The following LAMTOR5 variants were observed in gnomAD, a reference collection of about 807,000 sequenced individuals.
LAMTOR5 encodes late endosomal/lysosomal adaptor, MAPK and MTOR activator 5.
In LAMTOR5, 8 loss-of-function variants were observed where a neutral mutation model predicts 12.1. The observed-to-expected ratio is 0.66, with a 90% CI of 0.39 to 1.19. The LOEUF is 1.19. Ranked by LOEUF, LAMTOR5 falls within the 50% of genes most tolerant of loss-of-function variation. The probability of loss-of-function intolerance (pLI) is 0.01; values close to 1 mark genes in which losing one functional copy is unlikely to be tolerated. For missense variants in LAMTOR5, 110 were observed against 112.8 expected (o/e 0.97, Z 0.11); for synonymous variants, 37 against 41.9 (o/e 0.88, Z 0.45).
intron 1 of LAMTOR5, 134 bp downstream of exon 1, chr1:110,407,452 C>T: frequency 1.7e-6 from 2 of 1,156,600 alleles, no homozygotes; most frequent in Non-Finnish European, 2.4e-6. Flanking sequence ...AGTTTAGCCC[C>T]CTCATCCCGT....
At chr1:110,406,642 T>G (rs1663336257) in intron 1 of LAMTOR5, 1 of 299,162 alleles carries the variant, frequency 3.3e-6, no homozygotes, top group Non-Finnish European at 6.3e-6. Context: ...CTGACCAACA[T>G]GGAGAAACCC....
chr1:110,407,466 C>G (rs949291934), intron 1 of LAMTOR5, 120 bp downstream of exon 1: 10 of 1,282,980 alleles, frequency 7.8e-6, no homozygotes, highest in Admixed American at 2.4e-5. Context: ...ATCCCGTGTC[C>G]CGGGGGTCGC....
rs1264290701 is a variant in LAMTOR5 at position 110,404,116 on chromosome 1, A to G, written c.98-80T>C. Reference sequence around the variant, plus strand: ...AAATAAGCTAGCTGGCTGTTTTAAAATGTCTACAGAATTGTCTTTTTATTA... The same window carrying G: ...AAATAAGCTAGCTGGCTGTTTTAAAGTGTCTACAGAATTGTCTTTTTATTA... On this transcript the variant is annotated intron_variant, in intron 2 of 3. Coordinates refer to ENST00000602318, the MANE Select transcript of LAMTOR5 (RefSeq NM_001382293.1). The G allele has an allele frequency of 5.7e-6, 9 of 1,567,992 alleles. No individual in the cohort carries two copies. The South Asian group carries it at 9.4e-5, about 16-fold the overall frequency.
At chr1:110,407,501 C>G in intron 1 of LAMTOR5, 85 bp downstream of exon 1, 1 of 1,504,940 alleles carries the variant, frequency 6.6e-7, no homozygotes, top group Non-Finnish European at 8.9e-7. Flanking sequence ...ACGCCCTGGC[C>G]GGTACTCGCA....
chr1:110,403,926 C>T lies in LAMTOR5; in HGVS notation c.208G>A (p.Asp70Asn). ...CTGCTGAAATCTACTCACCCATTAT[C>T]TGATTCTAGACACACCACAGGAATA... is the stretch of plus-strand genomic sequence containing the variant. ...TDIPVVCLES[D>N]NGNIMIQKHD... is the part of the protein sequence containing the mutation. The change falls in exon 3 of 4, where the codon GAT becomes AAT. Residue 70 changes from aspartate to asparagine, a missense_variant. Coordinates refer to ENST00000602318, the MANE Select transcript of LAMTOR5 (RefSeq NM_001382293.1). 6.2e-7 allele frequency: 1 copy of T among 1,613,566 alleles called. No individual in the cohort carries two copies. Among genetic ancestry groups the T allele is most frequent in the Non-Finnish European group, 8.5e-7 (1 of 1,179,840 alleles).
chr1:110,407,350 C>T, intron 1 of LAMTOR5: 1 of 612,542 alleles, frequency 1.6e-6, no homozygotes, highest in Non-Finnish European at 2.8e-6. Flanking sequence ...GGCCCGTGGC[C>T]TGGGCCCGGG....
At chr1:110,406,490 T>G in intron 1 of LAMTOR5, 111 bp from the exon 2 acceptor site, 2 of 674,116 alleles carry the variant, frequency 3.0e-6, no homozygotes, top group Non-Finnish European at 4.9e-6. Flanking sequence ...TTTAAATCAA[T>G]ATTTCTCAAT....
chr1:110,407,643 T>A lies in LAMTOR5; in HGVS notation c.-23A>T. ...CATCCCACCCACCGACCACTCCGGC[T>A]CAGAACCCAGCGGCACGGCACGTCC... On this transcript the variant is annotated 5_prime_UTR_variant, in exon 1 of 4. Transcript: ENST00000602318. 6.2e-7 allele frequency: 1 copy of A among 1,614,144 alleles called. No homozygotes were observed. Among genetic ancestry groups the A allele is most frequent in the Non-Finnish European group, 8.5e-7 (1 of 1,180,018 alleles).
At chr1:110,402,358 C>T (rs1663247202) in intron 3 of LAMTOR5, among the ~76,000 whole-genome samples, 1 of 152,106 alleles carries the variant, frequency 6.6e-6, no homozygotes, top group South Asian at 2.1e-4. Flanking sequence ...TCAAGCAATT[C>T]TCCTGCCTCA....
intron 1 of LAMTOR5, chr1:110,407,365 T>C: frequency 1.6e-6 from 1 of 628,258 alleles, no homozygotes; most frequent in South Asian, 2.1e-5. Context: ...CCCGGGAGAC[T>C]CGCTCAAGAG....
At chr1:110,407,441 G>C (rs1663356591) in intron 1 of LAMTOR5, 145 bp downstream of exon 1, 2 of 1,037,848 alleles carry the variant, frequency 1.9e-6, no homozygotes, top group Non-Finnish European at 2.7e-6. Flanking sequence ...GCCTTGGGTA[G>C]AGTTTAGCCC....
At chr1:110,401,611 A>G (rs201702213) in intron 3 of LAMTOR5, 28 bp from the exon 4 acceptor site, 144 of 1,592,988 alleles carry the variant, frequency 9.0e-5, no homozygotes, top group Non-Finnish European at 1.2e-4. Flanking sequence ...AATATTCAGT[A>G]AAACGTAATC....
At chr1:110,404,506 T>C (rs1239544215) in intron 2 of LAMTOR5, among the ~76,000 whole-genome samples, 6 of 152,248 alleles carry the variant, frequency 3.9e-5, no homozygotes, top group African/African-American at 1.4e-4. Context: ...AAATGACTGA[T>C]CTGCATGTTA....
At chr1:110,407,490 GACGCCCT>G in intron 1 of LAMTOR5, 89 bp downstream of exon 1, 3 of 1,451,188 alleles carry the variant, frequency 2.1e-6, no homozygotes, top group South Asian at 2.6e-5. Flanking sequence ...ACGTCCCCGA[GACGCCCT>G]GGCCGGTACT....
chr1:110,406,219 T>A, intron 2 of LAMTOR5, 99 bp downstream of exon 2: 1 of 733,538 alleles, frequency 1.4e-6, no homozygotes, highest in Admixed American at 2.8e-5. Context: ...CCTGGCAAGG[T>A]AACAGGAAAT....
At chr1:110,405,003 G>A (rs1240131179) in intron 2 of LAMTOR5, among the ~76,000 whole-genome samples, 8 of 149,450 alleles carry the variant, frequency 5.4e-5, no homozygotes, top group African/African-American at 1.7e-4. Context: ...AGCCAAGATC[G>A]TGCCACTGCA....
intron 1 of LAMTOR5, 26 bp downstream of exon 1, chr1:110,407,559 CA>C (rs1663360446): frequency 6.2e-7 from 1 of 1,607,718 alleles, no homozygotes; most frequent in African/African-American, 1.3e-5. Flanking sequence ...GACCTCAGGA[CA>C]GGCCGAAGAG....
chr1:110,403,240 GTATA>G (rs1313968605), intron 3 of LAMTOR5, among the ~76,000 whole-genome samples: 1 of 152,036 alleles, frequency 6.6e-6, no homozygotes, highest in Non-Finnish European at 1.5e-5. Context: ...AGTAGCAGTT[GTATA>G]TATATACTTT....
intron 2 of LAMTOR5, among the ~76,000 whole-genome samples, chr1:110,405,640 C>G (rs1022301200): frequency 6.6e-6 from 1 of 152,126 alleles, no homozygotes; most frequent in African/African-American, 2.4e-5. Context: ...CCCTCAATTT[C>G]TTTTTCTACC....
Sources: allele counts gnomAD v4.1 joint callset (sites outside exome capture counted in the v4.1 genomes callset), GRCh38; gene constraint gnomAD v4.1.1; transcripts MANE v1.5; gene names NCBI Gene and HGNC (gene_info 2026-07-23, HGNC 2026-07-21).